KIAA1614: variants seen among roughly 807,000 people sequenced by gnomAD.
KIAA1614 encodes the protein uncharacterized protein KIAA1614.
Under a neutral mutation model 88.7 loss-of-function variants are expected in KIAA1614, and 76 were observed. The observed-to-expected ratio is 0.86, with a 90% CI of 0.71 to 1.04. The LOEUF (loss-of-function observed/expected upper bound fraction) is 1.04. Ranked by LOEUF, KIAA1614 falls within the 50% of genes least tolerant of loss-of-function variation. The pLI is 0.00. For missense variants in KIAA1614, 1,553 were observed against 1,582.5 expected (o/e 0.98, Z 0.32); for synonymous variants, 714 against 675.5 (o/e 1.06, Z -0.88).
At position 180,913,012 on chromosome 1, in the gene KIAA1614, C is replaced by A; in HGVS notation, c.-232C>A. ...CCTCTCGCCGGGAGGGAGTGCGGCC[C>A]GTGGGGCGCTGCGCCGGCCAGACCC... On this transcript the variant is annotated 5_prime_UTR_variant, in exon 1 of 9. Transcript: ENST00000367588. 3.6e-6 allele frequency: 1 copy of A among 275,366 alleles called. No individual in the cohort carries two copies. The highest frequency in any genetic ancestry group is 6.7e-6 in the Non-Finnish European group (1 of 149,166). The allele number at this position is 275,366 out of a possible 1,614,324, so 17.1% of individuals were successfully genotyped here. A position where few individuals can be genotyped will look rare whatever the true frequency, so the allele number is the denominator to read the frequency against.
At chr1:180,920,064 C>G (rs1316078719) in intron 3 of KIAA1614, among the ~76,000 whole-genome samples, 2 of 152,034 alleles carry the variant, frequency 1.3e-5, no homozygotes, top group Non-Finnish European at 2.9e-5. Flanking sequence ...TTCCAAGTAC[C>G]CTGCTGGCCT....
At chr1:180,928,988 G>A (rs1654135888) in intron 4 of KIAA1614, among the ~76,000 whole-genome samples, 1 of 152,256 alleles carries the variant, frequency 6.6e-6, no homozygotes, top group Non-Finnish European at 1.5e-5. Flanking sequence ...CGGAAGTATA[G>A]ATATGCACTG....
rs1261396134 is a variant in KIAA1614 at position 180,943,027 on chromosome 1, G to GTTTTTTTTTTTTTTTTTTTT, written c.3160-1362_3160-1361insTTTTTTTTTTTTTTTTTTTT. Among the ~76,000 whole-genome samples, 17 of 22,342 alleles carry GTTTTTTTTTTTTTTTTTTTT rather than the reference G, an allele frequency of 7.6e-4. 1 individual carries two copies. Among genetic ancestry groups the GTTTTTTTTTTTTTTTTTTTT allele is most frequent in the African/African-American group, 1.6e-3 (17 of 10,544 alleles). 14.7% of individuals were successfully genotyped at this position (22,342 alleles called of 152,430 possible). ...GTTTGCTGGGAGGCTTAGTTTTTTG[G>GTTTTTTTTTTTTTTTTTTTT]GTTTTTTTTTTTTTTTTAAGATGGA... On this transcript the variant is annotated intron_variant, in intron 7 of 8. Transcript: ENST00000367588.
intron 3 of KIAA1614, 21 bp from the exon 4 acceptor site, chr1:180,928,409 G>T: frequency 6.3e-7 from 1 of 1,575,222 alleles, no homozygotes. Context: ...CCACCACCCT[G>T]GCCTGTGTGC....
In KIAA1614 at chr1:180,913,224, G is replaced by A. The variant is rs1183349835; in HGVS notation, c.-20G>A. 5 of 1,259,992 alleles carry A rather than the reference G, an allele frequency of 4.0e-6. No homozygotes were observed. The highest frequency in any genetic ancestry group is 4.0e-6 in the Non-Finnish European group (4 of 996,300). 78.1% of individuals were successfully genotyped at this position (1,259,992 alleles called of 1,614,324 possible). ...CCTGGGAGGGAGAAGGGGCTGGAGA[G>A]GGCCTGGCCTCTCCGAGGGATGGAG... On this transcript the variant is annotated 5_prime_UTR_variant, in exon 1 of 9. Transcript: ENST00000367588.
At chr1:180,922,282 G>A (rs1653973051) in intron 3 of KIAA1614, among the ~76,000 whole-genome samples, 2 of 152,212 alleles carry the variant, frequency 1.3e-5, no homozygotes, top group Admixed American at 1.3e-4. Flanking sequence ...GATGAGGGAA[G>A]CGCAGGGAAC....
In KIAA1614 at chr1:180,916,709, G is replaced by T; in HGVS notation, c.606G>T (p.Leu202=). The change falls in exon 2 of 9, where the codon CTG becomes CTT. Residue 202 remains leucine, a synonymous_variant. Coordinates refer to ENST00000367588, the MANE Select transcript of KIAA1614 (RefSeq NM_020950.2). ...WTLPDHDRGP[L]LGPSSLQQSP... ...TTCCTGACCATGACAGAGGTCCGCT[G>T]CTGGGGCCCAGCTCTTTGCAACAGA... 6.2e-7 allele frequency: 1 copy of T among 1,613,010 alleles called. No individual in the cohort carries two copies. Among genetic ancestry groups the T allele is most frequent in the Non-Finnish European group, 8.5e-7 (1 of 1,179,370 alleles).
intron 3 of KIAA1614, among the ~76,000 whole-genome samples, chr1:180,926,773 C>A (rs1558067103): frequency 6.6e-6 from 1 of 152,246 alleles, no homozygotes; most frequent in Non-Finnish European, 1.5e-5. Flanking sequence ...GGGCAGGAGC[C>A]CCAGGGAGCA....
rs1333906455 is a variant in KIAA1614 at position 180,935,182 on chromosome 1, G to A, written c.1273G>A (p.Gly425Arg). 2.7e-6 allele frequency: 4 copies of A among 1,475,482 alleles called. No individual in the cohort carries two copies. Among genetic ancestry groups the A allele is most frequent in the East Asian group, 2.6e-5 (1 of 38,076 alleles). 91.4% of individuals were successfully genotyped at this position (1,475,482 alleles called of 1,614,324 possible). A position where few individuals can be genotyped will look rare whatever the true frequency, so the allele number is the denominator to read the frequency against. ...TPACRDSLQNGHTSDSSSGES... is the reference protein window; with the variant it reads ...TPACRDSLQNRHTSDSSSGES... ...TGCCTGCAGAGACAGCCTCCAGAAC[G>A]GGCACACGAGCGATTCCTCCAGCGG... is the stretch of plus-strand genomic sequence containing the variant. The change falls in exon 5 of 9, where the codon GGG becomes AGG. Residue 425 changes from glycine to arginine, a missense_variant. Gly to Arg is a moderately radical substitution (Grantham distance 125). Transcript: ENST00000367588. This position sits in a 1 kb window ranked among gnomAD's most constrained non-coding sequence, Gnocchi z 6.1.
At chr1:180,914,518 A>G (rs1653734689) in intron 1 of KIAA1614, among the ~76,000 whole-genome samples, 1 of 152,170 alleles carries the variant, frequency 6.6e-6, no homozygotes, top group Admixed American at 6.5e-5. Flanking sequence ...CTCCATCTGT[A>G]GAAGTATATA....
chr1:180,935,761 T>C lies in KIAA1614; in HGVS notation c.1852T>C (p.Ser618Pro), dbSNP rs953039218. Residue 618 changes from serine (S) to proline (P), a missense_variant, in exon 5 of 9, where the codon TCT (serine) becomes CCT (proline). Transcript: ENST00000367588. The surrounding 1 kb of genome is among the most constrained non-coding windows in gnomAD (Gnocchi z 6.1). ...VDSALDSTDN[S>P]DNCRTDSEEA... The stretch of plus-strand genomic sequence containing the variant: ...CTCTGCCCTGGACAGCACAGACAAC[T>C]CTGACAACTGCAGGACCGACAGTGA... 4 of 1,613,700 alleles carry C rather than the reference T, an allele frequency of 2.5e-6. No individual in the cohort carries two copies. The highest frequency in any genetic ancestry group is 3.4e-6 in the Non-Finnish European group (4 of 1,179,952).
intron 3 of KIAA1614, among the ~76,000 whole-genome samples, chr1:180,923,722 C>T (rs1654003960): frequency 1.3e-5 from 2 of 151,948 alleles, no homozygotes; most frequent in Admixed American, 1.3e-4. Flanking sequence ...TGAGTAAGGG[C>T]TCAGCAAGGA....
chr1:180,918,062 G>A (rs1316325157), intron 3 of KIAA1614, 148 bp downstream of exon 3: 2 of 694,170 alleles, frequency 2.9e-6, no homozygotes, highest in African/African-American at 3.5e-5. Context: ...TCATCCCTGA[G>A]ACCCTGCAGA....
At position 180,950,273 on chromosome 1, in the gene KIAA1614, C is replaced by A; in HGVS notation, c.*4685C>A. ...ACAAACAGCACCTCATCAACATGGTCAGCATTCCAGAGATGCACTTCTTCG... is the reference window on the plus strand; with the variant it reads ...ACAAACAGCACCTCATCAACATGGTAAGCATTCCAGAGATGCACTTCTTCG... On this transcript the variant is annotated 3_prime_UTR_variant, in exon 9 of 9. Transcript: ENST00000367588. The A allele has an allele frequency of 9.3e-7, 1 of 1,072,652 alleles. No individual in the cohort carries two copies. Among genetic ancestry groups the A allele is most frequent in the Non-Finnish European group, 1.2e-6 (1 of 853,870 alleles). 66.4% of individuals were successfully genotyped at this position (1,072,652 alleles called of 1,614,324 possible).
At chr1:180,914,730 T>G (rs905940976) in intron 1 of KIAA1614, among the ~76,000 whole-genome samples, 29 of 151,306 alleles carry the variant, frequency 1.9e-4, no homozygotes, top group African/African-American at 6.9e-4. Flanking sequence ...TTTGTATTTT[T>G]TATTTTTATT....
At chr1:180,941,718 T>C (rs1170885548) in intron 7 of KIAA1614, among the ~76,000 whole-genome samples, 1 of 152,174 alleles carries the variant, frequency 6.6e-6, no homozygotes, top group Non-Finnish European at 1.5e-5. Context: ...GAGTGGTCCT[T>C]CTGATATGCA....
In KIAA1614 at chr1:180,945,908, C is replaced by G. The variant is rs1467671500; in HGVS notation, c.*320C>G. 1 of 631,316 alleles carries G rather than the reference C, an allele frequency of 1.6e-6. No homozygotes were observed. Among genetic ancestry groups the G allele is most frequent in the African/African-American group, 1.9e-5 (1 of 51,348 alleles). 39.1% of individuals were successfully genotyped at this position (631,316 alleles called of 1,614,324 possible). On this transcript the variant is annotated 3_prime_UTR_variant, in exon 9 of 9. Coordinates refer to ENST00000367588, the MANE Select transcript of KIAA1614 (RefSeq NM_020950.2). ...TCACCTGAGGTCAGGAGTTCGAGACCAGTCTGGCCCACATGGTGAAACCCA... is the reference window on the plus strand; with the variant it reads ...TCACCTGAGGTCAGGAGTTCGAGACGAGTCTGGCCCACATGGTGAAACCCA...
chr1:180,928,659 C>G, intron 4 of KIAA1614, 86 bp downstream of exon 4: 1 of 177,928 alleles, frequency 5.6e-6, no homozygotes, highest in Non-Finnish European at 8.5e-6. Flanking sequence ...TAGCCAAATG[C>G]TGCTGCTGCT....
At chr1:180,915,988 G>A (rs558219283) in intron 1 of KIAA1614, among the ~76,000 whole-genome samples, 166 bp from the exon 2 acceptor site, 1 of 152,246 alleles carries the variant, frequency 6.6e-6, no homozygotes, top group East Asian at 1.9e-4. Context: ...AGTCCCTCTG[G>A]TGCCAAAAAG....
Sources: allele counts gnomAD v4.1 joint callset (sites outside exome capture counted in the v4.1 genomes callset), GRCh38; gene constraint gnomAD v4.1.1; non-coding constraint Gnocchi (gnomAD v3.1); transcripts MANE v1.5; gene names NCBI Gene and HGNC (gene_info 2026-07-23, HGNC 2026-07-21).